Variants in OGFRL1 observed in about 807,000 individuals in gnomAD.
The protein encoded by OGFRL1 is opioid growth factor receptor-like protein 1.
In OGFRL1, 26 loss-of-function variants were observed where a neutral mutation model predicts 32.4. The ratio of observed to expected loss-of-function variants is 0.80; its 90% CI spans 0.59 to 1.11. The LOEUF is 1.11. Among genes scored for constraint, OGFRL1 ranks in the 50% most tolerant of loss-of-function variants. The pLI, the probability that OGFRL1 is intolerant of heterozygous loss-of-function variation, is 0.00. For missense variants in OGFRL1, 521 were observed against 546.4 expected (o/e 0.95, Z 0.46); for synonymous variants, 211 against 201.2 (o/e 1.05, Z -0.41).
At chr6:71,295,156 C>T (rs936064999) in intron 3 of OGFRL1, 2 of 152,168 alleles carry the variant, frequency 1.3e-5, no homozygotes, top group African/African-American at 4.8e-5. Flanking sequence ...CACACACACA[C>T]TACTTGCCAG....
At position 71,302,216 on chromosome 6, in the gene OGFRL1, G is replaced by A; in HGVS notation, c.*167G>A. The A allele has an allele frequency of 2.0e-6, 1 of 507,668 alleles. No individual in the cohort carries two copies. Among genetic ancestry groups the A allele is most frequent in the African/African-American group, 2.0e-5 (1 of 50,502 alleles). 31.4% of individuals were successfully genotyped at this position (507,668 alleles called of 1,614,324 possible). ...TTTTTATTTTGGATGACAATGAATT[G>A]AATATCTAATAAGGAGATTTAAGAT... On this transcript the variant is annotated 3_prime_UTR_variant, in exon 7 of 7. Transcript: ENST00000370435.
intron 6 of OGFRL1, among the ~76,000 whole-genome samples, chr6:71,299,371 C>G (rs538441854): frequency 3.6e-4 from 55 of 152,216 alleles, no homozygotes; most frequent in South Asian, 2.9e-3. Context: ...TACTGAAACA[C>G]CCAATTGCTT....
rs751429873 is a variant in OGFRL1, at chr6:71,305,772, G to C, written c.*3723G>C. 6 of 152,094 alleles carry C rather than the reference G, an allele frequency of 3.9e-5. No homozygotes were observed. Among genetic ancestry groups the C allele is most frequent in the Non-Finnish European group, 8.8e-5 (6 of 67,972 alleles). The allele number at this position is 152,094 out of a possible 1,614,324, so 9.4% of individuals were successfully genotyped here. A position where few individuals can be genotyped will look rare whatever the true frequency, so the allele number is the denominator to read the frequency against. ...AAAAACAGTACAGTATTACATCTGA[G>C]TTAGTCTTTGAAAAATCATAGTAGT... is the stretch of plus-strand genomic sequence containing the variant. On this transcript the variant is annotated 3_prime_UTR_variant, in exon 7 of 7. Coordinates refer to ENST00000370435, the MANE Select transcript of OGFRL1 (RefSeq NM_024576.5).
chr6:71,295,576 C>T (rs992777750), intron 3 of OGFRL1: 2 of 152,094 alleles, frequency 1.3e-5, no homozygotes, highest in African/African-American at 4.8e-5. Flanking sequence ...TACTTTTTTA[C>T]TAGTGTGTAA....
At position 71,308,218 on chromosome 6, in the gene OGFRL1, T is replaced by C. The variant is rs1377124385; in HGVS notation, c.*6169T>C. ...TGCAGATAAGAGAAAGACTCAGTGA[T>C]AGGTGGTTTGTGAGTGAAGTAACTT... On this transcript the variant is annotated 3_prime_UTR_variant, in exon 7 of 7. Transcript: ENST00000370435. 6 of 152,324 alleles carry C rather than the reference T, an allele frequency of 3.9e-5. No individual in the cohort carries two copies. Among genetic ancestry groups the C allele is most frequent in the East Asian group, 3.9e-4 (2 of 5,190 alleles). The allele number at this position is 152,324 out of a possible 1,614,324, so 9.4% of individuals were successfully genotyped here.
In OGFRL1 at chr6:71,308,943, A is replaced by G. The variant is rs1028249283; in HGVS notation, c.*6894A>G. 2 of 152,232 alleles carry G rather than the reference A, an allele frequency of 1.3e-5. No homozygotes were observed. The highest frequency in any genetic ancestry group is 4.8e-5 in the African/African-American group (2 of 41,476). 9.4% of individuals were successfully genotyped at this position (152,232 alleles called of 1,614,324 possible). On this transcript the variant is annotated 3_prime_UTR_variant, in exon 7 of 7. Transcript: ENST00000370435. ...ACGATTAAAATATTTTTAAAGAACT[A>G]GAAAAAATGACTTGCTGTTTTCCTG...
intron 6 of OGFRL1, among the ~76,000 whole-genome samples, chr6:71,297,973 A>T (rs1358815930): frequency 8.9e-5 from 9 of 101,454 alleles, no homozygotes; most frequent in Admixed American, 4.0e-4. Flanking sequence ...CCCACAACAG[A>T]CCCCGGTGTG....
chr6:71,298,116 G>C (rs2149354999), intron 6 of OGFRL1, among the ~76,000 whole-genome samples: 1 of 151,912 alleles, frequency 6.6e-6, no homozygotes, highest in East Asian at 1.9e-4. Flanking sequence ...ATGGTAGTTT[G>C]TACTAAAACG....
intron 6 of OGFRL1, among the ~76,000 whole-genome samples, chr6:71,299,855 C>A (rs1402515831): frequency 6.6e-6 from 1 of 152,180 alleles, no homozygotes; most frequent in African/African-American, 2.4e-5. Context: ...CTCTGGGCTT[C>A]ACAGTTGAAT....
intron 3 of OGFRL1, among the ~76,000 whole-genome samples, 173 bp downstream of exon 3, chr6:71,293,784 A>G (rs1766121731): frequency 6.6e-6 from 1 of 152,168 alleles, no homozygotes; most frequent in Non-Finnish European, 1.5e-5. Context: ...TCTTATTTAC[A>G]TTGCTATTAT....
chr6:71,300,377 A>G (rs557709069), intron 6 of OGFRL1, among the ~76,000 whole-genome samples: 1 of 152,314 alleles, frequency 6.6e-6, no homozygotes, highest in Non-Finnish European at 1.5e-5. Context: ...TTTGGAAAAC[A>G]TTCATCCAGT....
intron 1 of OGFRL1, among the ~76,000 whole-genome samples, chr6:71,292,395 G>C (rs984204813): frequency 6.6e-6 from 1 of 152,254 alleles, no homozygotes; most frequent in East Asian, 1.9e-4. Context: ...ATGGAGGACA[G>C]GGGTTGAGGA....
In OGFRL1 at chr6:71,306,431, G is replaced by GA. The variant is rs1233991760; in HGVS notation, c.*4385dup. 12 of 152,202 alleles carry GA rather than the reference G, an allele frequency of 7.9e-5. No individual in the cohort carries two copies. Among genetic ancestry groups the GA allele is most frequent in the African/African-American group, 2.9e-4 (12 of 41,518 alleles). 9.4% of individuals were successfully genotyped at this position (152,202 alleles called of 1,614,324 possible). Reference sequence around the variant, plus strand: ...GTGTTTTTAGAAATCCCTTATTATTGAAATGAATAATAATATAGCTATAAA... The same window carrying GA: ...GTGTTTTTAGAAATCCCTTATTATTGAAAATGAATAATAATATAGCTATAAA... On this transcript the variant is annotated 3_prime_UTR_variant, in exon 7 of 7. Transcript: ENST00000370435.
chr6:71,289,772 CTGTGTTTGAACTGT>C (rs1423200231), intron 1 of OGFRL1: 1 of 985,226 alleles, frequency 1.0e-6, no homozygotes, highest in Non-Finnish European at 1.2e-6. Context: ...GTTGATCCAA[CTGTGTTTGAACTGT>C]TTGACTAATA....
chr6:71,301,548 T>C lies in OGFRL1; in HGVS notation c.855T>C (p.Tyr285=), dbSNP rs1305147169. 3 of 1,614,056 alleles carry C rather than the reference T, an allele frequency of 1.9e-6. No homozygotes were observed. The highest frequency in any genetic ancestry group is 2.5e-6 in the Non-Finnish European group (3 of 1,180,040). Residue 285 remains tyrosine, a synonymous_variant, in exon 7 of 7, where the codon TAT becomes TAC. Transcript: ENST00000370435. The part of the protein sequence containing the change: ...IKQSALEYFV[Y]TIRDRRERRK... ...AGAGTGCTCTAGAGTATTTTGTTTA[T>C]ACAATTAGAGACAGAAGAGAAAGGA...
At position 71,303,548 on chromosome 6, in the gene OGFRL1, G is replaced by T. The variant is rs137857031; in HGVS notation, c.*1499G>T. The stretch of plus-strand genomic sequence containing the variant: ...AAATGACTGAAGAATTAAAAAATAA[G>T]AAATTCCTTTTTAAAAGGCATGCCT... On this transcript the variant is annotated 3_prime_UTR_variant, in exon 7 of 7. Coordinates refer to ENST00000370435, the MANE Select transcript of OGFRL1 (RefSeq NM_024576.5). The T allele has an allele frequency of 2.0e-5, 3 of 152,260 alleles. No homozygotes were observed. Among genetic ancestry groups the T allele is most frequent in the Admixed American group, 2.0e-4 (3 of 15,288 alleles). 9.4% of individuals were successfully genotyped at this position (152,260 alleles called of 1,614,324 possible).
intron 3 of OGFRL1, among the ~76,000 whole-genome samples, chr6:71,294,945 T>A (rs1004017485): frequency 2.0e-5 from 3 of 152,224 alleles, no homozygotes; most frequent in African/African-American, 7.2e-5. Flanking sequence ...GGGAATTTAT[T>A]TTGTAAATAT....
rs188356652 is a variant in OGFRL1 at position 71,289,700 on chromosome 6, C to T, written c.234+530C>T. 548 of 985,188 alleles carry T rather than the reference C, an allele frequency of 5.6e-4. 7 individuals are homozygous for T. In the Admixed American group the frequency reaches 0.025, roughly 45 times the overall value. The allele number at this position is 985,188 out of a possible 1,614,324, so 61.0% of individuals were successfully genotyped here. On this transcript the variant is annotated intron_variant, in intron 1 of 6. Coordinates refer to ENST00000370435, the MANE Select transcript of OGFRL1 (RefSeq NM_024576.5). The stretch of plus-strand genomic sequence containing the variant: ...GTTCATACGTCACTGTTCTGCCCAA[C>T]TCAGGCCTTTCAACCTAGGATTCAG...
intron 1 of OGFRL1, among the ~76,000 whole-genome samples, chr6:71,292,676 A>G (rs796556355): frequency 1.3e-4 from 20 of 152,334 alleles, no homozygotes; most frequent in African/African-American, 4.3e-4. Context: ...TTGTGTGTAT[A>G]TATTTTAAAT....
Sources: gnomAD v4.1 joint callset for allele counts (sites outside exome capture counted in the v4.1 genomes callset) on GRCh38, gnomAD v4.1.1 for gene constraint, MANE v1.5 for transcripts, NCBI Gene and HGNC (gene_info 2026-07-23, HGNC 2026-07-21) for gene names.